PLEKHG1: variants seen among roughly 807,000 people sequenced by gnomAD.
PLEKHG1 encodes pleckstrin homology and RhoGEF domain containing G1.
PLEKHG1 carries 44 observed loss-of-function variants against 100.8 expected under a neutral mutation model. The observed-to-expected ratio is 0.44, with a 90% CI of 0.34 to 0.56. The LOEUF (loss-of-function observed/expected upper bound fraction) is 0.56, where lower values mean the gene tolerates loss of function less well. Among genes scored for constraint, PLEKHG1 ranks in the 20% least tolerant of loss-of-function variants. The pLI is 0.01. For missense variants in PLEKHG1, 1,545 were observed against 1,720.9 expected (o/e 0.90, Z 1.81); for synonymous variants, 640 against 662.5 (o/e 0.97, Z 0.52).
In PLEKHG1 at chr6:150,831,497, G is replaced by A. The variant is rs777837004; in HGVS notation, c.2386G>A (p.Glu796Lys). The A allele has an allele frequency of 8.7e-6, 14 of 1,613,996 alleles. No homozygotes were observed. The highest frequency in any genetic ancestry group is 5.3e-5 in the African/African-American group (4 of 74,928). The change falls in exon 15 of 16, where the codon GAA becomes AAA. Residue 796 changes from glutamate (E) to lysine (K), a missense_variant. Physicochemically the swap from Glu to Lys is moderately conservative, Grantham distance 56. Transcript: ENST00000358517. This position sits in a 1 kb window ranked among gnomAD's most constrained non-coding sequence, Gnocchi z 4.1. ...AGACAGCCTCCAGCTCAGTGAGGAC[G>A]AAGCCCCTTACCATCAGGCCACTCC...
At chr6:150,822,177 A>AAAAAAAAAAAAAAAAAAAAAC (rs1278144184) in intron 13 of PLEKHG1, among the ~76,000 whole-genome samples, 2 of 124,320 alleles carry the variant, frequency 1.6e-5, no homozygotes, top group Non-Finnish European at 1.8e-5. Context: ...AAAAAAAAAA[A>AAAAAAAAAAAAAAAAAAAAAC]AGAATAGGGC....
At chr6:150,656,324 G>A (rs554730189) in intron 3 of PLEKHG1, among the ~76,000 whole-genome samples, 7 of 152,256 alleles carry the variant, frequency 4.6e-5, no homozygotes, top group African/African-American at 1.7e-4. Context: ...CCTTTGGAAC[G>A]AGGAAGGAAG....
intron 1 of PLEKHG1, among the ~76,000 whole-genome samples, chr6:150,631,769 G>A (rs796651216): frequency 6.6e-6 from 1 of 152,216 alleles, no homozygotes; most frequent in Admixed American, 6.5e-5. Flanking sequence ...GGTTCCCAAG[G>A]AGGGGAACAG....
chr6:150,709,108 C>T (rs370824274), intron 3 of PLEKHG1, among the ~76,000 whole-genome samples: 25 of 152,110 alleles, frequency 1.6e-4, no homozygotes, highest in African/African-American at 5.6e-4. Context: ...CCGAGGCGGA[C>T]GGAACACAAG....
chr6:150,681,288 G>A (rs940172381), intron 3 of PLEKHG1, among the ~76,000 whole-genome samples: 2 of 152,118 alleles, frequency 1.3e-5, no homozygotes, highest in Non-Finnish European at 2.9e-5. Context: ...TCGGGAGGCT[G>A]AGGCGGGTAG....
At chr6:150,795,215 C>T (rs1188517113) in intron 4 of PLEKHG1, among the ~76,000 whole-genome samples, 1 of 151,798 alleles carries the variant, frequency 6.6e-6, no homozygotes, top group African/African-American at 2.4e-5. Flanking sequence ...ATAGCAAAAC[C>T]CCATCTTTAC....
At chr6:150,632,080 C>T (rs1777779693) in intron 1 of PLEKHG1, among the ~76,000 whole-genome samples, 1 of 152,132 alleles carries the variant, frequency 6.6e-6, no homozygotes, top group Non-Finnish European at 1.5e-5. Flanking sequence ...AGAATTTTTG[C>T]TACAAGTAGC....
intron 1 of PLEKHG1, among the ~76,000 whole-genome samples, chr6:150,627,600 A>G (rs1777560211): frequency 6.6e-6 from 1 of 152,160 alleles, no homozygotes; most frequent in African/African-American, 2.4e-5. Flanking sequence ...TTTTAACCGT[A>G]ATCTTAAAAA....
intron 3 of PLEKHG1, among the ~76,000 whole-genome samples, chr6:150,703,215 A>G (rs6923252): frequency 0.042 from 6,467 of 152,210 alleles, 445 homozygotes; most frequent in African/African-American, 0.15. Context: ...AAGTTTATCA[A>G]AATGAAAGCA....
chr6:150,645,857 A>C (rs1462166028), intron 2 of PLEKHG1, among the ~76,000 whole-genome samples: 1 of 152,218 alleles, frequency 6.6e-6, no homozygotes, highest in Non-Finnish European at 1.5e-5. Context: ...CATGTGTATG[A>C]TGAACAGCCT....
chr6:150,705,878 G>C lies in PLEKHG1; in HGVS notation c.-98-27706G>C, dbSNP rs566321796. 1.2e-3 allele frequency among the ~76,000 whole-genome samples: 186 copies of C among 152,272 alleles called. 1 individual carries two copies. Among genetic ancestry groups the C allele is most frequent in the Middle Eastern group, 0.01 (3 of 294 alleles). ...AAATAAACACTGGGATGGCATGCAG[G>C]GTAGGGCTTCCCCTTTCTAGGAAAA... is the stretch of plus-strand genomic sequence containing the variant. On this transcript the variant is annotated intron_variant, in intron 3 of 3. Coordinates refer to the PLEKHG1 transcript ENST00000367326.
chr6:150,762,451 G>T (rs9397356), intron 2 of PLEKHG1, among the ~76,000 whole-genome samples: 1 of 151,332 alleles, frequency 6.6e-6, no homozygotes, highest in East Asian at 1.9e-4. Context: ...TGCCTGCCTC[G>T]GCCTCAGAAA....
chr6:150,665,068 G>A (rs1010578012), intron 3 of PLEKHG1, among the ~76,000 whole-genome samples: 3 of 152,174 alleles, frequency 2.0e-5, no homozygotes, highest in African/African-American at 7.2e-5. Flanking sequence ...GGTATTTAGT[G>A]CCCGAGTTAA....
rs762979202 is a variant in PLEKHG1, at chr6:150,768,733, C to A, written c.507C>A (p.Phe169Leu). 5.2e-6 allele frequency: 8 copies of A among 1,524,708 alleles called. No homozygotes were observed. The Admixed American group carries it at 1.2e-4, about 22-fold the overall frequency. The allele number at this position is 1,524,708 out of a possible 1,614,324, so 94.4% of individuals were successfully genotyped here. ...GAAACATACAGGATATCTACCACTT[C>A]AATAGGTAAGTTAATATTCAAAAGA... Residue 169 changes from phenylalanine (F) to leucine (L), a missense_variant, in exon 3 of 16, where the codon TTC becomes TTA. Coordinates refer to ENST00000358517, the Ensembl canonical transcript of PLEKHG1.
intron 3 of PLEKHG1, among the ~76,000 whole-genome samples, chr6:150,698,200 AT>A (rs1780624312): frequency 6.6e-6 from 1 of 152,184 alleles, no homozygotes; most frequent in African/African-American, 2.4e-5. Flanking sequence ...AGGTAATTTT[AT>A]ACATATTTTA....
chr6:150,825,979 G>A (rs532775354), intron 14 of PLEKHG1, among the ~76,000 whole-genome samples: 10 of 152,172 alleles, frequency 6.6e-5, no homozygotes, highest in African/African-American at 2.4e-4. Context: ...AGGAGTTTGA[G>A]ACCAGCCTGG....
intron 3 of PLEKHG1, among the ~76,000 whole-genome samples, chr6:150,781,725 G>A (rs1253071451): frequency 6.6e-6 from 1 of 151,814 alleles, no homozygotes; most frequent in Non-Finnish European, 1.5e-5. Context: ...GGAATATGGA[G>A]AAGAATGTTT....
intron 2 of PLEKHG1, among the ~76,000 whole-genome samples, chr6:150,647,252 A>G (rs893161121): frequency 2.6e-5 from 4 of 152,168 alleles, no homozygotes; most frequent in African/African-American, 7.2e-5. Flanking sequence ...ATGGCCTTTT[A>G]TTTTGTCCTG....
At chr6:150,789,587 A>G (rs9371473) in intron 4 of PLEKHG1, among the ~76,000 whole-genome samples, 103,784 of 152,100 alleles carry the variant, frequency 0.68, 36,178 homozygotes, top group East Asian at 0.91. Context: ...GCTAGGAGTA[A>G]GTCACTATAT....
Sources: allele counts gnomAD v4.1 joint callset (sites outside exome capture counted in the v4.1 genomes callset), GRCh38; gene constraint gnomAD v4.1.1; non-coding constraint Gnocchi (gnomAD v3.1); transcripts MANE v1.5; gene names NCBI Gene and HGNC (gene_info 2026-07-23, HGNC 2026-07-21).